The following COP1 variants were observed in gnomAD, a reference collection of about 807,000 sequenced individuals.
COP1 encodes E3 ubiquitin-protein ligase COP1.
In COP1, 24 loss-of-function variants were observed where a neutral mutation model predicts 101.3. The ratio of observed to expected loss-of-function variants is 0.24; its 90% confidence interval spans 0.17 to 0.33. The LOEUF (loss-of-function observed/expected upper bound fraction) is 0.33. Among genes scored for constraint, COP1 ranks in the 10% least tolerant of loss-of-function variants. COP1 has a pLI of 1.00. For synonymous variants in COP1, 347 were observed against 341.9 expected, an observed-to-expected ratio of 1.01 and a Z score of -0.17; for missense variants, 663 against 906.2, an observed-to-expected ratio of 0.73 and a Z score of 3.45.
intron 9 of COP1, among the ~76,000 whole-genome samples, chr1:176,112,237 A>C (rs76620991): frequency 6.6e-6 from 1 of 150,656 alleles, no homozygotes. Context: ...AAAAAAAAAA[A>C]TTCTGATTGT....
intron 18 of COP1, among the ~76,000 whole-genome samples, chr1:175,974,154 C>G (rs1283012396): frequency 6.6e-6 from 1 of 152,076 alleles, no homozygotes; most frequent in African/African-American, 2.4e-5. Context: ...ATAAACTAAA[C>G]TAAATGGCAG....
At chr1:176,195,812 C>G (rs1699619570) in intron 1 of COP1, among the ~76,000 whole-genome samples, 1 of 152,140 alleles carries the variant, frequency 6.6e-6, no homozygotes, top group South Asian at 2.1e-4. Context: ...CATGTTCTCA[C>G]TTTTAAGTGG....
At chr1:175,992,125 A>T (rs1557862895) in intron 15 of COP1, among the ~76,000 whole-genome samples, 1 of 152,230 alleles carries the variant, frequency 6.6e-6, no homozygotes, top group Non-Finnish European at 1.5e-5. Context: ...CTTATGTGGA[A>T]TATGAGATGT....
intron 15 of COP1, among the ~76,000 whole-genome samples, chr1:176,022,723 C>T (rs553505643): frequency 6.8e-6 from 1 of 147,222 alleles, no homozygotes; most frequent in East Asian, 2.1e-4. Context: ...CTTGCTGATA[C>T]TATCCCCTGC....
At chr1:175,979,772 T>C (rs1655368322) in intron 18 of COP1, among the ~76,000 whole-genome samples, 1 of 152,076 alleles carries the variant, frequency 6.6e-6, no homozygotes, top group South Asian at 2.1e-4. Flanking sequence ...AATTGATTAT[T>C]ACCATTTAGT....
intron 3 of COP1, among the ~76,000 whole-genome samples, chr1:176,165,473 T>C (rs1694993908): frequency 6.6e-6 from 1 of 151,314 alleles, no homozygotes; most frequent in Non-Finnish European, 1.5e-5. Flanking sequence ...GGTGGGTGGA[T>C]CACCTGAGGT....
In COP1 at chr1:176,070,096, C is replaced by T. The variant is rs148702272; in HGVS notation, c.1277+11056G>A. Among the ~76,000 whole-genome samples the T allele has an allele frequency of 2.5e-3, 375 of 152,298 alleles. 3 individuals carry two copies. Among genetic ancestry groups the T allele is most frequent in the African/African-American group, 8.6e-3 (359 of 41,562 alleles). On this transcript the variant is annotated intron_variant, in intron 11 of 19. Coordinates refer to ENST00000367669, the MANE Select transcript of COP1 (RefSeq NM_022457.7). ...ATATCCCCCACGAACCCTGTTGCTACTTGAACAAGCTCCTCCTCCAGTATC... is the reference window on the plus strand; with the variant it reads ...ATATCCCCCACGAACCCTGTTGCTATTTGAACAAGCTCCTCCTCCAGTATC...
intron 3 of COP1, among the ~76,000 whole-genome samples, chr1:176,174,366 T>C (rs530159956): frequency 1.3e-5 from 2 of 152,284 alleles, no homozygotes; most frequent in South Asian, 4.1e-4. Flanking sequence ...CCCTATTATC[T>C]AAACTAGGCC....
At chr1:176,180,982 C>A (rs953141537) in intron 2 of COP1, among the ~76,000 whole-genome samples, 3 of 152,112 alleles carry the variant, frequency 2.0e-5, no homozygotes, top group Non-Finnish European at 1.5e-5. Flanking sequence ...TAAATCAGGG[C>A]TTGGTAGACA....
At chr1:176,042,196 G>T (rs1042985937) in intron 14 of COP1, among the ~76,000 whole-genome samples, 1 of 151,032 alleles carries the variant, frequency 6.6e-6, no homozygotes, top group Non-Finnish European at 1.5e-5. Context: ...ACTTGAACCC[G>T]GGAGGTGGAG....
intron 15 of COP1, among the ~76,000 whole-genome samples, chr1:175,990,724 G>A (rs1318766084): frequency 6.6e-6 from 1 of 151,964 alleles, no homozygotes; most frequent in Non-Finnish European, 1.5e-5. Flanking sequence ...ATTATAAAAT[G>A]TCTTTGTTTC....
chr1:176,194,648 A>T (rs1192669099), intron 1 of COP1, among the ~76,000 whole-genome samples: 1 of 151,998 alleles, frequency 6.6e-6, no homozygotes, highest in Non-Finnish European at 1.5e-5. Flanking sequence ...AACAACAAAA[A>T]CAACAAAGGC....
At chr1:176,149,474 A>C (rs1558207128) in intron 5 of COP1, among the ~76,000 whole-genome samples, 1 of 152,170 alleles carries the variant, frequency 6.6e-6, no homozygotes, top group African/African-American at 2.4e-5. Context: ...TCATTTGCAG[A>C]GGTAAGTGTA....
chr1:176,007,933 C>T (rs1010728240), intron 15 of COP1, among the ~76,000 whole-genome samples: 3 of 152,212 alleles, frequency 2.0e-5, no homozygotes, highest in African/African-American at 7.2e-5. Flanking sequence ...GCGGGCGCCC[C>T]TCCCCCAGCC....
At chr1:176,118,921 G>T (rs777765320) in intron 8 of COP1, among the ~76,000 whole-genome samples, 4 of 151,938 alleles carry the variant, frequency 2.6e-5, no homozygotes, top group African/African-American at 9.7e-5. Flanking sequence ...AAAATATTAC[G>T]TATCAATGAA....
At chr1:175,973,240 C>T (rs1317800265) in intron 18 of COP1, among the ~76,000 whole-genome samples, 1 of 152,072 alleles carries the variant, frequency 6.6e-6, no homozygotes, top group African/African-American at 2.4e-5. Flanking sequence ...TGTCTCATGA[C>T]AGTTTAGTAA....
chr1:176,145,750 C>T (rs1691490231), intron 6 of COP1, among the ~76,000 whole-genome samples: 1 of 150,560 alleles, frequency 6.6e-6, no homozygotes, highest in African/African-American at 2.5e-5. Context: ...ACATACTGCA[C>T]AAGCACACTT....
intron 18 of COP1, among the ~76,000 whole-genome samples, chr1:175,972,508 A>ACATTC (rs1653493931): frequency 6.8e-6 from 1 of 146,398 alleles, no homozygotes; most frequent in Non-Finnish European, 1.5e-5. Flanking sequence ...CTGTGTTGCC[A>ACATTC]GAATGGAGTG....
intron 15 of COP1, among the ~76,000 whole-genome samples, chr1:176,006,249 C>A (rs566663308): frequency 6.6e-6 from 1 of 152,004 alleles, no homozygotes; most frequent in Non-Finnish European, 1.5e-5. Flanking sequence ...TGTCTCTGCA[C>A]GTGAGATGGG....
Sources: allele counts gnomAD v4.1 joint callset (sites outside exome capture counted in the v4.1 genomes callset), GRCh38; gene constraint gnomAD v4.1.1; transcripts MANE v1.5; gene names NCBI Gene and HGNC (gene_info 2026-07-23, HGNC 2026-07-21).